The following PEAK1 variants were observed in gnomAD, a reference collection of about 807,000 sequenced individuals.
The protein encoded by PEAK1 is inactive tyrosine-protein kinase PEAK1.
PEAK1 carries 54 observed loss-of-function variants against 124.7 expected under a neutral mutation model. The observed-to-expected ratio is 0.43, with a 90% CI of 0.35 to 0.54. The LOEUF is 0.54. Among genes scored for constraint, PEAK1 ranks in the 20% least tolerant of loss-of-function variants. PEAK1 has a pLI of 0.01. For missense variants in PEAK1, 2,046 were observed against 2,134.5 expected (o/e 0.96, Z 0.82); for synonymous variants, 719 against 760.0 (o/e 0.95, Z 0.89).
chr15:77,179,599 G>A lies in PEAK1; in HGVS notation c.2328C>T (p.Pro776=), dbSNP rs1322202931. 1.2e-6 allele frequency: 2 copies of A among 1,614,102 alleles called. No homozygotes were observed. Among genetic ancestry groups the A allele is most frequent in the Non-Finnish European group, 8.5e-7 (1 of 1,180,028 alleles). The change falls in exon 7 of 10, where the codon CCC becomes CCT. Residue 776 remains proline, a synonymous_variant. Coordinates refer to ENST00000682557, the MANE Select transcript of PEAK1 (RefSeq NM_001385026.1). ...VLSQIVASIQ[P]PQSPPETPQS... is the part of the protein sequence containing the mutation. ...GAGGTGTTTCTGGAGGAGACTGTGG[G>A]GGTTGGATTGAAGCCACAATCTGAG...
intron 8 of PEAK1, chr15:77,157,986 T>A (rs2055303147): frequency 6.5e-6 from 1 of 153,458 alleles, no homozygotes; most frequent in African/African-American, 2.4e-5. Context: ...CTGAAATGCA[T>A]GACACTGGCT....
At chr15:77,305,249 A>G (rs2064032459) in intron 2 of PEAK1, among the ~76,000 whole-genome samples, 1 of 151,788 alleles carries the variant, frequency 6.6e-6, no homozygotes, top group Admixed American at 6.6e-5. Context: ...GAGGGATAAT[A>G]TAACAATATA....
intron 5 of PEAK1, chr15:77,278,356 C>T (rs972546080): frequency 1.2e-5 from 3 of 253,770 alleles, no homozygotes; most frequent in African/African-American, 4.6e-5. Flanking sequence ...CAAAAGAGTA[C>T]ATAATAATTC....
intron 6 of PEAK1, among the ~76,000 whole-genome samples, chr15:77,221,966 G>T (rs1052876511): frequency 1.3e-5 from 2 of 151,992 alleles, no homozygotes; most frequent in Admixed American, 1.3e-4. Context: ...CTCAGTAAAA[G>T]AGTACAGTAA....
At chr15:77,193,869 C>G (rs949924849) in intron 6 of PEAK1, among the ~76,000 whole-genome samples, 5 of 149,280 alleles carry the variant, frequency 3.3e-5, no homozygotes, top group Non-Finnish European at 7.5e-5. Context: ...ATCTAACTCT[C>G]TAGCCATCTC....
intron 5 of PEAK1, among the ~76,000 whole-genome samples, chr15:77,258,937 G>T (rs112602671): frequency 3.3e-5 from 5 of 151,188 alleles, no homozygotes; most frequent in Admixed American, 3.3e-4. Context: ...TAGCATGAAG[G>T]GTTGTTGAAT....
chr15:77,198,373 T>C (rs1317896037), intron 6 of PEAK1, among the ~76,000 whole-genome samples: 1 of 152,328 alleles, frequency 6.6e-6, no homozygotes, highest in East Asian at 1.9e-4. Flanking sequence ...ATAGGACCCA[T>C]ATGAAATGCC....
intron 2 of PEAK1, among the ~76,000 whole-genome samples, chr15:77,315,213 T>C (rs2064797246): frequency 6.6e-6 from 1 of 152,244 alleles, no homozygotes; most frequent in Non-Finnish European, 1.5e-5. Flanking sequence ...TAGATCTTTA[T>C]AACCTGATGC....
intron 5 of PEAK1, among the ~76,000 whole-genome samples, chr15:77,268,212 C>G (rs552332336): frequency 2.6e-5 from 4 of 152,134 alleles, no homozygotes; most frequent in African/African-American, 4.8e-5. Context: ...CAGTGGCTCA[C>G]GCCTATAAGC....
At chr15:77,268,687 AACATCACC>A (rs985068606) in intron 5 of PEAK1, among the ~76,000 whole-genome samples, 15 of 152,196 alleles carry the variant, frequency 9.9e-5, no homozygotes, top group Non-Finnish European at 2.1e-4. Context: ...TCATCGCAAA[AACATCACC>A]ACCTAGGCAC....
chr15:77,367,078 G>A (rs2068296490), intron 1 of PEAK1, among the ~76,000 whole-genome samples: 1 of 152,192 alleles, frequency 6.6e-6, no homozygotes, highest in Admixed American at 6.5e-5. Context: ...AGATTGCAGT[G>A]AGCCGAGATC....
chr15:77,234,526 G>A (rs1402370873), intron 6 of PEAK1, among the ~76,000 whole-genome samples: 2 of 151,976 alleles, frequency 1.3e-5, no homozygotes, highest in Non-Finnish European at 2.9e-5. Context: ...ATAGTAAAAG[G>A]AATAAATCAA....
At chr15:77,410,076 T>TG (rs376575701) in intron 1 of PEAK1, among the ~76,000 whole-genome samples, 2,291 of 60,144 alleles carry the variant, frequency 0.038, 65 homozygotes, top group African/African-American at 0.11. Context: ...TGTGTGTGTG[T>TG]TTTTTTTTTT....
chr15:77,297,780 C>T (rs571104942), intron 2 of PEAK1, among the ~76,000 whole-genome samples: 145 of 133,756 alleles, frequency 1.1e-3, no homozygotes, highest in Admixed American at 2.9e-3. Flanking sequence ...AAAAAAAGGC[C>T]GGGTGCGGTG....
chr15:77,400,675 T>C (rs530543308), intron 1 of PEAK1, among the ~76,000 whole-genome samples: 1 of 152,260 alleles, frequency 6.6e-6, no homozygotes, highest in South Asian at 2.1e-4. Flanking sequence ...GGAACATCTA[T>C]ATTTAATATT....
At chr15:77,313,702 A>ATATATATATATATATATATATATATG (rs1213561861) in intron 2 of PEAK1, among the ~76,000 whole-genome samples, 7 of 119,442 alleles carry the variant, frequency 5.9e-5, no homozygotes, top group African/African-American at 2.5e-4. Flanking sequence ...GTATATATAT[A>ATATATATATATATATATATATATATG]TATGTATGTG....
chr15:77,290,092 C>G (rs1040255998), intron 2 of PEAK1, among the ~76,000 whole-genome samples: 4 of 152,040 alleles, frequency 2.6e-5, no homozygotes, highest in Non-Finnish European at 5.9e-5. Context: ...CTCAGCTTCC[C>G]GAGTAGCTGG....
At chr15:77,104,795 C>G (rs149500749), downstream of PEAK1, 3 of 152,266 alleles carry the variant, frequency 2.0e-5, no homozygotes, top group East Asian at 3.9e-4. Flanking sequence ...GCAAACAAAC[C>G]CTCTCTGACT....
Position 77,182,001 on chromosome 15 carries a change from TC to T in PEAK1, c.-76del, listed in dbSNP as rs1377955289. 6.7e-7 allele frequency: 1 copy of T among 1,501,414 alleles called. No individual in the cohort carries two copies. The highest frequency in any genetic ancestry group is 8.8e-7 in the Non-Finnish European group (1 of 1,131,638). The allele number at this position is 1,501,414 out of a possible 1,614,324, so 93.0% of individuals were successfully genotyped here. Reference sequence around the variant, plus strand: ...AAACTTTCATCTGTTAGTTTTCACTTCCCCTATGTGTTACAGCAGCTCTTCT... The same window carrying T: ...AAACTTTCATCTGTTAGTTTTCACTTCCCTATGTGTTACAGCAGCTCTTCT... On this transcript the variant is annotated 5_prime_UTR_variant, in exon 7 of 10. Transcript: ENST00000682557.
Sources: allele counts gnomAD v4.1 joint callset (sites outside exome capture counted in the v4.1 genomes callset), GRCh38; gene constraint gnomAD v4.1.1; transcripts MANE v1.5; gene names NCBI Gene and HGNC (gene_info 2026-07-23, HGNC 2026-07-21).